Variants in PRRC2B observed in about 807,000 individuals in gnomAD.
PRRC2B encodes the protein proline rich coiled-coil 2B.
In PRRC2B, 68 loss-of-function variants were observed where a neutral mutation model predicts 242.3. That is an observed-to-expected ratio of 0.28 (90% CI 0.23 to 0.34). The LOEUF is 0.34. Among genes scored for constraint, PRRC2B ranks in the 10% least tolerant of loss-of-function variants. The pLI is 1.00. For missense variants in PRRC2B, 2,835 were observed against 2,954.8 expected, an observed-to-expected ratio of 0.96 and a Z score of 0.94; for synonymous variants, 1,228 against 1,173.6, an observed-to-expected ratio of 1.05 and a Z score of -0.95.
Position 131,483,379 on chromosome 9 carries a change from A to T in PRRC2B, c.5394A>T (p.Pro1798=). The part of the protein sequence containing the change: ...VSPKDSDFSL[P]PGSASGPTGS... ...TTCAGGACTCCGATTTCAGCTTGCC[A>T]CCTGGTTCTGCCTCTGGTCCTACTG... Residue 1798 remains proline, a synonymous_variant, in exon 23 of 32, where the codon CCA becomes CCT. Transcript: ENST00000683519. 6.2e-7 allele frequency: 1 copy of T among 1,613,786 alleles called. No individual in the cohort carries two copies. The highest frequency in any genetic ancestry group is 8.5e-7 in the Non-Finnish European group (1 of 1,179,882).
Position 131,486,175 on chromosome 9 carries a change from A to C in PRRC2B, c.5849A>C (p.Tyr1950Ser). 6.2e-7 allele frequency: 1 copy of C among 1,609,582 alleles called. No homozygotes were observed. The highest frequency in any genetic ancestry group is 8.5e-7 in the Non-Finnish European group (1 of 1,177,268). ...VPQTIPQQQS[Y>S]QQAAAAQQIP... is the part of the protein sequence containing the mutation. Reference sequence around the variant, plus strand: ...CAAACGATACCTCAGCAGCAGAGTTACCAACAGGTGACAGCAGCTAGCCAG... The same window carrying C: ...CAAACGATACCTCAGCAGCAGAGTTCCCAACAGGTGACAGCAGCTAGCCAG... Residue 1950 changes from tyrosine to serine, a missense_variant, in exon 26 of 32, where the codon TAC becomes TCC. Transcript: ENST00000683519.
chr9:131,479,400 G>T lies in PRRC2B; in HGVS notation c.4900+7G>T. 1.2e-6 allele frequency: 2 copies of T among 1,612,394 alleles called. No individual in the cohort carries two copies. Among genetic ancestry groups the T allele is most frequent in the Non-Finnish European group, 1.7e-6 (2 of 1,179,332 alleles). The stretch of plus-strand genomic sequence containing the variant: ...TGGGAGAGCAGCAGCCAGGGTGAGA[G>T]TTGGGGGTGTGACCCCAGCTGTGGC... On this transcript the variant is annotated splice_region_variant and intron_variant, in intron 19 of 31. Transcript: ENST00000683519.
At position 131,474,673 on chromosome 9, in the gene PRRC2B, A is replaced by C. The variant is rs549450799; in HGVS notation, c.2544A>C (p.Gln848His). 8.1e-6 allele frequency: 13 copies of C among 1,613,594 alleles called. No individual in the cohort carries two copies. In the South Asian group the frequency reaches 1.4e-4, roughly 18 times the overall value. The change falls in exon 16 of 32, where the codon CAA becomes CAC. Residue 848 changes from glutamine (Q) to histidine (H), a missense_variant. Transcript: ENST00000683519. ...CAGGTGCTCCTGGGGGTCACACCCA[A>C]AACCTCAGGTGTTCCCCATTGGAGC... The part of the protein sequence containing the change: ...QDAGAPGGHT[Q>H]NLRCSPLEPD...
chr9:131,492,338 C>G lies in PRRC2B; in HGVS notation c.6473+78C>G, dbSNP rs982177380. 10 of 1,230,758 alleles carry G rather than the reference C, an allele frequency of 8.1e-6. No homozygotes were observed. In the Admixed American group the frequency reaches 8.5e-5, roughly 11 times the overall value. 76.2% of individuals were successfully genotyped at this position (1,230,758 alleles called of 1,614,324 possible). ...CTGCGGCCCAGTGACTCAGAAGAAT[C>G]TGGGCCCAGGGAGAGCCGCCAGAGA... On this transcript the variant is annotated intron_variant, in intron 30 of 31. Coordinates refer to ENST00000683519, the MANE Select transcript of PRRC2B (RefSeq NM_013318.4).
At chr9:131,395,279 T>TC (rs1460519139) in intron 1 of PRRC2B, among the ~76,000 whole-genome samples, 1 of 152,116 alleles carries the variant, frequency 6.6e-6, no homozygotes, top group East Asian at 1.9e-4. Context: ...ATTTTTTTTT[T>TC]CTTTAAGGTT....
rs1944266935 is a variant in PRRC2B, at chr9:131,494,084, G to A, written c.6474-321G>A. On this transcript the variant is annotated intron_variant, in intron 30 of 31. Transcript: ENST00000683519. This position sits in a 1 kb window ranked among gnomAD's most constrained non-coding sequence, Gnocchi z 4.3. ...ATCGTGTTGGTCCAGACCCTGAGAC[G>A]GCCAGTGTCGCTTTCTGCACAGCAG... Among the ~76,000 whole-genome samples, 1 of 152,190 alleles carries A rather than the reference G, an allele frequency of 6.6e-6. No homozygotes were observed. The highest frequency in any genetic ancestry group is 2.4e-5 in the African/African-American group (1 of 41,446).
In PRRC2B at chr9:131,475,572, G is replaced by A. The variant is rs761299154; in HGVS notation, c.3443G>A (p.Arg1148His). The A allele has an allele frequency of 1.2e-6, 2 of 1,612,772 alleles. No individual in the cohort carries two copies. Among genetic ancestry groups the A allele is most frequent in the Admixed American group, 1.7e-5 (1 of 59,976 alleles). ...GAGTATGAAGAACTTCCCAAGCGCC[G>A]CCGGCAGAGGGGCTCCGAGAACGGG... is the stretch of plus-strand genomic sequence containing the variant. ...GSEYEELPKRRRQRGSENGNE... is the reference protein window; with the variant it reads ...GSEYEELPKRHRQRGSENGNE... Residue 1148 changes from arginine (R) to histidine (H), a missense_variant, in exon 16 of 32, where the codon CGC (arginine) becomes CAC (histidine). Coordinates refer to ENST00000683519, the MANE Select transcript of PRRC2B (RefSeq NM_013318.4).
At chr9:131,434,445 C>G (rs1344679359) in intron 3 of PRRC2B, among the ~76,000 whole-genome samples, 1 of 152,230 alleles carries the variant, frequency 6.6e-6, no homozygotes, top group Non-Finnish European at 1.5e-5. Context: ...CATAGACCCC[C>G]GTGTAGTTCT....
Position 131,407,892 on chromosome 9 carries a change from C to T in PRRC2B, c.-52+13629C>T, listed in dbSNP as rs374616052. ...AGGGGGTGATAGTAAGGACAGCCAC[C>T]TTAGTGGCGGTTAGGAGGATGCTCT... On this transcript the variant is annotated intron_variant, in intron 1 of 31. Coordinates refer to ENST00000683519, the MANE Select transcript of PRRC2B (RefSeq NM_013318.4). Among the ~76,000 whole-genome samples the T allele has an allele frequency of 2.0e-5, 3 of 152,282 alleles. No homozygotes were observed. In the South Asian group the frequency reaches 6.2e-4, roughly 32 times the overall value.
intron 1 of PRRC2B, among the ~76,000 whole-genome samples, chr9:131,404,733 G>A (rs1259437093): frequency 6.6e-6 from 1 of 152,184 alleles, no homozygotes; most frequent in African/African-American, 2.4e-5. Flanking sequence ...TGACAGCTAC[G>A]CAGACGGATT....
intron 1 of PRRC2B, among the ~76,000 whole-genome samples, chr9:131,385,238 G>A (rs1356030537): frequency 1.3e-5 from 2 of 149,678 alleles, no homozygotes; most frequent in South Asian, 2.1e-4. Flanking sequence ...CTACTTGGGA[G>A]GCTGAGGCAG....
At chr9:131,420,499 T>TCTCTTTCTTTCTTTC (rs889470295) in intron 1 of PRRC2B, among the ~76,000 whole-genome samples, 1 of 84,494 alleles carries the variant, frequency 1.2e-5, no homozygotes, top group African/African-American at 4.4e-5. Context: ...CTTTCTTTTT[T>TCTCTTTCTTTCTTTC]TTTTTTTTTT....
intron 5 of PRRC2B, among the ~76,000 whole-genome samples, chr9:131,443,246 G>T (rs1247557917): frequency 6.6e-6 from 1 of 150,466 alleles, no homozygotes; most frequent in East Asian, 2.0e-4. Context: ...CCATTCTCCT[G>T]CCTCAGCCTC....
chr9:131,399,409 G>C (rs1320432971), intron 1 of PRRC2B, among the ~76,000 whole-genome samples: 2 of 151,460 alleles, frequency 1.3e-5, no homozygotes, highest in African/African-American at 4.9e-5. Context: ...GAAACCCCGT[G>C]TCTACTAAAA....
In PRRC2B at chr9:131,488,060, G is replaced by T. The variant is rs1944076749; in HGVS notation, c.6189G>T (p.Leu2063=). The part of the protein sequence containing the change: ...YEGQLSQAAG[L]GASQMLDSQL... The stretch of plus-strand genomic sequence containing the variant: ...GCCAGCTCAGCCAGGCTGCTGGCCT[G>T]GGTGCCTCCCAGATGTTGGACTCCC... Residue 2063 remains leucine, a synonymous_variant, in exon 28 of 32, where the codon CTG becomes CTT. Transcript: ENST00000683519. 1.2e-6 allele frequency: 2 copies of T among 1,613,198 alleles called. No individual in the cohort carries two copies. Among genetic ancestry groups the T allele is most frequent in the African/African-American group, 1.3e-5 (1 of 74,914 alleles).
intron 30 of PRRC2B, among the ~76,000 whole-genome samples, chr9:131,493,168 G>C (rs1944243625): frequency 6.6e-6 from 1 of 151,640 alleles, no homozygotes; most frequent in Non-Finnish European, 1.5e-5. Context: ...ACCGCCCTTT[G>C]CCTGTCCTCC....
rs531080097 is a variant in PRRC2B at position 131,446,502 on chromosome 9, G to C, written c.715G>C (p.Asp239His). 1 of 1,613,902 alleles carries C rather than the reference G, an allele frequency of 6.2e-7. No homozygotes were observed. Among genetic ancestry groups the C allele is most frequent in the South Asian group, 1.1e-5 (1 of 91,072 alleles). ...ELGSRNSSTG[D>H]GAPSSACTSD... ...GGGCAGCAGGAACTCGAGTACGGGA[G>C]ATGGAGCCCCCTCCTCGGCATGTAC... The change falls in exon 7 of 32, where the codon GAT becomes CAT. Residue 239 changes from aspartate (D) to histidine (H), a missense_variant. Asp to His is a moderately conservative substitution (Grantham distance 81). Transcript: ENST00000683519. The surrounding 1 kb of genome is among the most constrained non-coding windows in gnomAD (Gnocchi z 4.1).
chr9:131,416,613 C>T (rs1054753004), intron 1 of PRRC2B, among the ~76,000 whole-genome samples: 2 of 104,446 alleles, frequency 1.9e-5, no homozygotes, highest in South Asian at 9.2e-4. Context: ...TTAGCTTGTA[C>T]CCAGTGTCTT....
At chr9:131,420,637 G>A (rs1437490356) in intron 1 of PRRC2B, among the ~76,000 whole-genome samples, 4 of 150,374 alleles carry the variant, frequency 2.7e-5, no homozygotes, top group Admixed American at 1.3e-4. Context: ...TTACAGGCAT[G>A]CACTACCACG....
Sources: allele counts gnomAD v4.1 joint callset (sites outside exome capture counted in the v4.1 genomes callset), GRCh38; gene constraint gnomAD v4.1.1; non-coding constraint Gnocchi (gnomAD v3.1); transcripts MANE v1.5; gene names NCBI Gene and HGNC (gene_info 2026-07-23, HGNC 2026-07-21).